RAB4B: variants seen among roughly 807,000 people sequenced by gnomAD.
The protein encoded by RAB4B is ras-related protein Rab-4B.
Under a neutral mutation model 28.3 loss-of-function variants are expected in RAB4B, and 15 were observed. The observed-to-expected ratio is 0.53, with a 90% CI of 0.35 to 0.82. RAB4B has a LOEUF of 0.82. Ranked by LOEUF, RAB4B falls within the 40% of genes least tolerant of loss-of-function variation. The probability of loss-of-function intolerance (pLI) is 0.01; values close to 1 mark genes in which losing one functional copy is unlikely to be tolerated. For synonymous variants in RAB4B, 108 were observed against 116.3 expected (o/e 0.93, Z 0.46); for missense variants, 244 against 288.5 (o/e 0.85, Z 1.12).
At chr19:40,783,494 C>T (rs952993543) in intron 3 of RAB4B, among the ~76,000 whole-genome samples, 11 of 151,882 alleles carry the variant, frequency 7.2e-5, no homozygotes, top group Non-Finnish European at 1.0e-4. Flanking sequence ...GAAAAACAGA[C>T]GAATGGAAAG....
intron 7 of RAB4B, among the ~76,000 whole-genome samples, chr19:40,794,997 C>CAAAAAAAAAAAA (rs59417778): frequency 5.0e-5 from 5 of 99,884 alleles, no homozygotes; most frequent in Admixed American, 1.1e-4. Context: ...ACTAAAAATA[C>CAAAAAAAAAAAA]AAAAAAAAAA....
chr19:40,778,827 C>T (rs2083020675), intron 1 of RAB4B, among the ~76,000 whole-genome samples: 2 of 151,936 alleles, frequency 1.3e-5, no homozygotes, highest in African/African-American at 2.4e-5. Context: ...ATGGGCTGTC[C>T]TTGAGTTAGG....
chr19:40,783,708 C>T, intron 3 of RAB4B, 70 bp from the exon 4 acceptor site: 1 of 1,440,940 alleles, frequency 6.9e-7, no homozygotes, highest in Non-Finnish European at 9.2e-7. Context: ...ACCAGTCTGT[C>T]TCTGTAGAGG....
At position 40,789,501 on chromosome 19, in the gene RAB4B, C is replaced by CTTTTT. The variant is rs60806942; in HGVS notation, c.*15+2540_*15+2544dup. 4.2e-4 allele frequency among the ~76,000 whole-genome samples: 49 copies of CTTTTT among 116,564 alleles called. 2 individuals are homozygous for CTTTTT. The highest frequency in any genetic ancestry group is 1.7e-3 in the African/African-American group (44 of 26,314). 76.5% of individuals were successfully genotyped at this position (116,564 alleles called of 152,430 possible). A position where few individuals can be genotyped will look rare whatever the true frequency, so the allele number is the denominator to read the frequency against. On this transcript the variant is annotated intron_variant, in intron 7 of 7. Coordinates refer to ENST00000357052, the MANE Select transcript of RAB4B (RefSeq NM_016154.5). ...ACAGGCGGGAGCCACCACGCCCAGCCTTTTTTTTTTTTTTTTTTTTTGAGA... is the reference window on the plus strand; with the variant it reads ...ACAGGCGGGAGCCACCACGCCCAGCCTTTTTTTTTTTTTTTTTTTTTTTTTTGAGA...
chr19:40,793,595 T>A (rs1172512354), intron 7 of RAB4B, among the ~76,000 whole-genome samples: 4 of 73,420 alleles, frequency 5.4e-5, no homozygotes, highest in South Asian at 4.8e-4. Context: ...TTTTTTTTTT[T>A]AGATATGGTC....
chr19:40,778,672 T>TTAA (rs2083018510), intron 1 of RAB4B, among the ~76,000 whole-genome samples: 1 of 151,904 alleles, frequency 6.6e-6, no homozygotes, highest in Non-Finnish European at 1.5e-5. Flanking sequence ...TGGGCCTTAA[T>TTAA]GGATCTGGGC....
At chr19:40,788,612 G>T (rs2083125599) in intron 7 of RAB4B, among the ~76,000 whole-genome samples, 2 of 150,484 alleles carry the variant, frequency 1.3e-5, no homozygotes, top group South Asian at 2.1e-4. Context: ...TTTGAGATGG[G>T]GTATTGCTCT....
At chr19:40,780,637 G>A in intron 3 of RAB4B, 138 bp downstream of exon 3, 1 of 688,072 alleles carries the variant, frequency 1.5e-6, no homozygotes, top group East Asian at 2.7e-5. Context: ...TAGTTAGCAG[G>A]TATATATATC....
chr19:40,788,737 C>T (rs962727628), intron 7 of RAB4B, among the ~76,000 whole-genome samples: 7 of 150,218 alleles, frequency 4.7e-5, no homozygotes. Context: ...CAGGCGACTA[C>T]CACCATGCCT....
At chr19:40,784,840 CTT>C (rs1182284828) in intron 5 of RAB4B, among the ~76,000 whole-genome samples, 2 of 139,276 alleles carry the variant, frequency 1.4e-5, no homozygotes. Flanking sequence ...GTGAAAGGCA[CTT>C]TTTTTTTTTT....
intron 5 of RAB4B, 139 bp downstream of exon 5, chr19:40,784,214 G>C: frequency 8.3e-7 from 1 of 1,202,782 alleles, no homozygotes; most frequent in South Asian, 1.8e-5. Context: ...AGTGTTGGCT[G>C]GGTGTAGTGG....
At chr19:40,794,963 T>C (rs1343864927) in intron 7 of RAB4B, among the ~76,000 whole-genome samples, 3 of 127,432 alleles carry the variant, frequency 2.4e-5, no homozygotes, top group Admixed American at 1.8e-4. Flanking sequence ...GCTTGATCTG[T>C]AGATCAAGTG....
intron 3 of RAB4B, among the ~76,000 whole-genome samples, chr19:40,781,809 C>G (rs2083051138): frequency 6.6e-6 from 1 of 152,020 alleles, no homozygotes; most frequent in Admixed American, 6.6e-5. Context: ...ATCACGAGGT[C>G]AGGAGATCGA....
rs376770707 is a variant in RAB4B at position 40,786,717 on chromosome 19, G to C, written c.483G>C (p.Ala161=). 4.3e-6 allele frequency: 7 copies of C among 1,614,010 alleles called. No homozygotes were observed. The highest frequency in any genetic ancestry group is 5.9e-6 in the Non-Finnish European group (7 of 1,179,994). The change falls in exon 6 of 8, where the codon GCG becomes GCC. Residue 161 remains alanine (A), a synonymous_variant. Coordinates refer to ENST00000357052, the MANE Select transcript of RAB4B (RefSeq NM_016154.5). ...SALTGENVEE[A]FLKCARTILN... is the part of the protein sequence containing the mutation. ...TCACAGGCGAGAACGTGGAGGAGGC[G>C]TTCCTCAAGTGTGCCCGCACTATCC... is the stretch of plus-strand genomic sequence containing the variant.
At chr19:40,787,351 A>C (rs1389860158) in intron 7 of RAB4B, among the ~76,000 whole-genome samples, 1 of 151,126 alleles carries the variant, frequency 6.6e-6, no homozygotes, top group Non-Finnish European at 1.5e-5. Flanking sequence ...CCTGGCCAAC[A>C]TGGTGAAGCC....
At position 40,786,828 on chromosome 19, in the gene RAB4B, A is replaced by G. The variant is rs766367604; in HGVS notation, c.527-20A>G. ...GGGGGTCTCCAGGCAACCAATGCTG[A>G]CCTCTCCCCTTCCCCACAGGCGAGC... On this transcript the variant is annotated intron_variant, in intron 6 of 7. Coordinates refer to ENST00000357052, the MANE Select transcript of RAB4B (RefSeq NM_016154.5). 52 of 1,613,634 alleles carry G rather than the reference A, an allele frequency of 3.2e-5. No individual in the cohort carries two copies. The highest frequency in any genetic ancestry group is 4.2e-5 in the Non-Finnish European group (49 of 1,179,892).
At chr19:40,785,347 A>AG in intron 5 of RAB4B, among the ~76,000 whole-genome samples, 2 of 150,560 alleles carry the variant, frequency 1.3e-5, no homozygotes, top group East Asian at 2.0e-4. Flanking sequence ...CTCTACAAAA[A>AG]AAAAAAAAAA....
chr19:40,788,932 C>T (rs935702575), intron 7 of RAB4B, among the ~76,000 whole-genome samples: 3 of 151,800 alleles, frequency 2.0e-5, no homozygotes, highest in African/African-American at 7.3e-5. Flanking sequence ...CAGGCGCCCG[C>T]CACCACGCCT....
chr19:40,779,697 C>G (rs974524539), intron 1 of RAB4B: 2 of 310,412 alleles, frequency 6.4e-6, no homozygotes, highest in Non-Finnish European at 1.2e-5. Context: ...GAGCCGAGAT[C>G]GCGCCATTGC....
Sources: allele counts gnomAD v4.1 joint callset (sites outside exome capture counted in the v4.1 genomes callset), GRCh38; gene constraint gnomAD v4.1.1; transcripts MANE v1.5; gene names NCBI Gene and HGNC (gene_info 2026-07-23, HGNC 2026-07-21).